Variants in IL1RAPL1 observed in about 807,000 individuals in gnomAD.
IL1RAPL1 encodes interleukin 1 receptor accessory protein like 1.
IL1RAPL1 carries 3 observed loss-of-function variants against 48.4 expected under a neutral mutation model. The ratio of observed to expected loss-of-function variants is 0.06; its 90% CI spans 0.03 to 0.16. IL1RAPL1 has a LOEUF of 0.16. Ranked by LOEUF, IL1RAPL1 falls within the 10% of genes least tolerant of loss-of-function variation. IL1RAPL1 has a pLI of 1.00. For synonymous variants in IL1RAPL1, 185 were observed against 187.7 expected (o/e 0.99, Z 0.12); for missense variants, 349 against 530.6 (o/e 0.66, Z 3.36).
chrX:29,534,861 C>G (rs1342345326), intron 5 of IL1RAPL1, among the ~76,000 whole-genome samples: 2 of 108,316 alleles, frequency 1.8e-5, no homozygotes, highest in African/African-American at 6.8e-5. Context: ...CCCAGCTGCT[C>G]GGGAGGCTGA....
At chrX:29,393,618 G>A (rs1933885690) in intron 3 of IL1RAPL1, among the ~76,000 whole-genome samples, 1 of 111,256 alleles carries the variant, frequency 9.0e-6, no homozygotes, top group Non-Finnish European at 1.9e-5. Flanking sequence ...ATAGTTTGAG[G>A]AGAAAGGAAA....
intron 2 of IL1RAPL1, among the ~76,000 whole-genome samples, chrX:29,111,497 G>A (rs1383098683): frequency 9.0e-6 from 1 of 111,557 alleles, no homozygotes; most frequent in Non-Finnish European, 1.9e-5. Context: ...TTAAGTTCTT[G>A]TTGATGGTGG....
intron 2 of IL1RAPL1, among the ~76,000 whole-genome samples, chrX:28,818,958 A>G (rs1405448514): frequency 9.0e-6 from 1 of 110,894 alleles, no homozygotes; most frequent in Non-Finnish European, 1.9e-5. Context: ...GGGGATCAGT[A>G]AAAGTATTTT....
intron 6 of IL1RAPL1, among the ~76,000 whole-genome samples, chrX:29,670,314 A>G (rs773852930): frequency 9.8e-5 from 11 of 112,186 alleles, no homozygotes; most frequent in Non-Finnish European, 2.1e-4. Flanking sequence ...GGAAGTGACT[A>G]TACATTCATT....
chrX:28,905,062 T>A (rs1354710006), intron 2 of IL1RAPL1, among the ~76,000 whole-genome samples: 2 of 111,395 alleles, frequency 1.8e-5, no homozygotes, highest in Non-Finnish European at 3.8e-5. Flanking sequence ...TAGTTTTGGA[T>A]ATTTTCTCCC....
chrX:28,849,235 G>A (rs1921593662), intron 2 of IL1RAPL1, among the ~76,000 whole-genome samples: 1 of 111,063 alleles, frequency 9.0e-6, no homozygotes, highest in Non-Finnish European at 1.9e-5. Context: ...TTGGCTGAAT[G>A]TGTTGGAAGT....
intron 2 of IL1RAPL1, among the ~76,000 whole-genome samples, chrX:29,118,051 G>A (rs1448548483): frequency 2.7e-5 from 3 of 112,004 alleles, no homozygotes; most frequent in East Asian, 5.6e-4. Context: ...CTTATGCCAA[G>A]ATGTGTTCGG....
At chrX:29,095,141 C>T (rs931078781) in intron 2 of IL1RAPL1, among the ~76,000 whole-genome samples, 2 of 111,040 alleles carry the variant, frequency 1.8e-5, no homozygotes, top group Non-Finnish European at 3.8e-5. Context: ...AAATATGATG[C>T]TATTTTCCAT....
intron 1 of IL1RAPL1, among the ~76,000 whole-genome samples, chrX:28,637,041 T>G (rs965585118): frequency 9.0e-6 from 1 of 111,457 alleles, no homozygotes; most frequent in African/African-American, 3.3e-5. Flanking sequence ...TCTTAGAGCA[T>G]CTTATTAGAA....
At chrX:29,928,002 T>A (rs1407502535) in intron 8 of IL1RAPL1, among the ~76,000 whole-genome samples, 3 of 111,194 alleles carry the variant, frequency 2.7e-5, no homozygotes, top group African/African-American at 9.8e-5. Context: ...TAAAACCATC[T>A]CTCCGAGTTC....
chrX:28,836,760 C>T (rs1921230664), intron 2 of IL1RAPL1, among the ~76,000 whole-genome samples: 1 of 110,124 alleles, frequency 9.1e-6, no homozygotes, highest in African/African-American at 3.3e-5. Flanking sequence ...TCATCATCGT[C>T]ATCATCATCA....
At chrX:29,253,224 A>G (rs892362516) in intron 2 of IL1RAPL1, among the ~76,000 whole-genome samples, 2 of 111,017 alleles carry the variant, frequency 1.8e-5, no homozygotes, top group Non-Finnish European at 3.8e-5. Flanking sequence ...CCTTATAATG[A>G]AAATCAGTCA....
intron 5 of IL1RAPL1, among the ~76,000 whole-genome samples, chrX:29,538,338 C>CTT (rs397896582): frequency 0.03 from 2,534 of 83,470 alleles, 132 homozygotes; most frequent in African/African-American, 0.097. Flanking sequence ...CTTTTCTTTT[C>CTT]TTTTTTTTTT....
intron 6 of IL1RAPL1, among the ~76,000 whole-genome samples, chrX:29,822,135 G>T (rs1930633910): frequency 9.3e-6 from 1 of 108,080 alleles, no homozygotes; most frequent in African/African-American, 3.3e-5. Flanking sequence ...ACTTAATCTA[G>T]TTTTTTTTTT....
chrX:28,855,095 C>T (rs2147299200), intron 2 of IL1RAPL1, among the ~76,000 whole-genome samples: 1 of 111,969 alleles, frequency 8.9e-6, no homozygotes, highest in African/African-American at 3.2e-5. Context: ...TCTCAGCTCA[C>T]TGCAACTTCC....
chrX:28,719,461 C>T (rs1325163256), intron 1 of IL1RAPL1, among the ~76,000 whole-genome samples: 1 of 110,161 alleles, frequency 9.1e-6, no homozygotes, highest in Non-Finnish European at 1.9e-5. Flanking sequence ...AGTTGGAGAA[C>T]TAAAGAGTAT....
At chrX:29,265,636 A>C (rs1311491973) in intron 2 of IL1RAPL1, among the ~76,000 whole-genome samples, 28 of 55,283 alleles carry the variant, frequency 5.1e-4, no homozygotes, top group African/African-American at 2.0e-3. Flanking sequence ...CCCACCCCAC[A>C]ACAGTCCCCA....
chrX:29,398,673 C>T (rs754584189), intron 4 of IL1RAPL1, among the ~76,000 whole-genome samples: 8 of 111,883 alleles, frequency 7.2e-5, no homozygotes, highest in East Asian at 5.6e-4. Flanking sequence ...AATCATTGAA[C>T]GGTGCAATCT....
At chrX:29,844,777 A>G (rs1344472327) in intron 6 of IL1RAPL1, among the ~76,000 whole-genome samples, 1 of 112,163 alleles carries the variant, frequency 8.9e-6, no homozygotes, top group African/African-American at 3.2e-5. Flanking sequence ...GCGAGTCCAA[A>G]ACCAATCCTT....
Sources: gnomAD v4.1 joint callset for allele counts (sites outside exome capture counted in the v4.1 genomes callset) on GRCh38, gnomAD v4.1.1 for gene constraint, MANE v1.5 for transcripts, NCBI Gene and HGNC (gene_info 2026-07-23, HGNC 2026-07-21) for gene names.